Variants in HIGD2B observed in about 807,000 individuals in gnomAD.
The protein encoded by HIGD2B is HIG1 domain family member 2B.
For missense variants in HIGD2B, 106 were observed against 67.0 expected (o/e 1.58, Z -2.03); for synonymous variants, 45 against 28.1 (o/e 1.60, Z -1.90).
At chr15:72,677,422 C>T (rs990176967) in intron 2 of HIGD2B, among the ~76,000 whole-genome samples, 2 of 151,502 alleles carry the variant, frequency 1.3e-5, no homozygotes, top group African/African-American at 2.4e-5. Context: ...AACAGCAAGA[C>T]TGCAAGGGAA....
rs2064682017 is a variant in HIGD2B, at chr15:72,675,832, G to T, written c.*222C>A. Reference sequence around the variant, plus strand: ...TATTTTTAGAGTTTATTAAGCAGGGGAGTGGAGGGAAGATGTGGCACAAAT... The same window carrying T: ...TATTTTTAGAGTTTATTAAGCAGGGTAGTGGAGGGAAGATGTGGCACAAAT... On this transcript the variant is annotated 3_prime_UTR_variant, in exon 3 of 3. Coordinates refer to ENST00000311755, the MANE Select transcript of HIGD2B (RefSeq NM_001350932.3). The T allele has an allele frequency of 1.9e-6, 1 of 538,480 alleles. No individual in the cohort carries two copies. The highest frequency in any genetic ancestry group is 3.0e-5 in the East Asian group (1 of 33,458). The allele number at this position is 538,480 out of a possible 1,614,324, so 33.4% of individuals were successfully genotyped here.
intron 2 of HIGD2B, among the ~76,000 whole-genome samples, chr15:72,677,801 T>C (rs545121168): frequency 8.6e-5 from 13 of 151,820 alleles, no homozygotes; most frequent in African/African-American, 3.1e-4. Flanking sequence ...ATAGAACATA[T>C]AAAAGTAAAT....
Position 72,686,081 on chromosome 15 carries a change from TA to T in HIGD2B, c.-457del. 1 of 850,000 alleles carries T rather than the reference TA, an allele frequency of 1.2e-6. No homozygotes were observed. Among genetic ancestry groups the T allele is most frequent in the Non-Finnish European group, 1.9e-6 (1 of 525,160 alleles). The allele number at this position is 850,000 out of a possible 1,614,324, so 52.7% of individuals were successfully genotyped here. A position where few individuals can be genotyped will look rare whatever the true frequency, so the allele number is the denominator to read the frequency against. ...GGTAAGCCTTCTGTGGAGCAGACCC[TA>T]ATCCTCCCCCTGATTCCTTAGGTCA... On this transcript the variant is annotated 5_prime_UTR_variant, in exon 1 of 3. Coordinates refer to ENST00000311755, the MANE Select transcript of HIGD2B (RefSeq NM_001350932.3).
At chr15:72,683,963 G>A (rs952967366) in intron 1 of HIGD2B, among the ~76,000 whole-genome samples, 4 of 150,900 alleles carry the variant, frequency 2.7e-5, no homozygotes, top group African/African-American at 7.3e-5. Context: ...GCACGATCTC[G>A]GCTCACTTAG....
At chr15:72,680,843 C>T (rs1595892687) in intron 1 of HIGD2B, among the ~76,000 whole-genome samples, 1 of 151,954 alleles carries the variant, frequency 6.6e-6, no homozygotes, top group South Asian at 2.1e-4. Flanking sequence ...GCAGTGAGAT[C>T]GTGCACTCCA....
At chr15:72,684,318 C>G (rs2064781632) in intron 1 of HIGD2B, among the ~76,000 whole-genome samples, 1 of 152,104 alleles carries the variant, frequency 6.6e-6, no homozygotes, top group African/African-American at 2.4e-5. Context: ...AGTAAAGTTA[C>G]AAAGACATTT....
At chr15:72,683,734 A>G (rs60405894) in intron 1 of HIGD2B, among the ~76,000 whole-genome samples, 18,476 of 151,900 alleles carry the variant, frequency 0.12, 1,893 homozygotes, top group East Asian at 0.53. Flanking sequence ...CCAGCTACTC[A>G]GGAGGCTGAG....
intron 1 of HIGD2B, among the ~76,000 whole-genome samples, chr15:72,684,827 A>G (rs1328117156): frequency 6.6e-6 from 1 of 151,776 alleles, no homozygotes; most frequent in African/African-American, 2.4e-5. Context: ...TCTATCGCCC[A>G]GGCTGGAGCA....
intron 1 of HIGD2B, 23 bp downstream of exon 1, chr15:72,685,795 C>G (rs571444190): frequency 3.4e-6 from 1 of 296,746 alleles, no homozygotes; most frequent in Non-Finnish European, 6.6e-6. Context: ...ATAGTGACAG[C>G]CAAGAAACGG....
At chr15:72,681,061 AG>A (rs879431607) in intron 1 of HIGD2B, among the ~76,000 whole-genome samples, 9 of 152,090 alleles carry the variant, frequency 5.9e-5, no homozygotes, top group Admixed American at 5.9e-4. Context: ...GATAGTACTT[AG>A]CTTCCGCTGT....
Position 72,685,875 on chromosome 15 carries a change from G to T in HIGD2B, c.-250C>A. On this transcript the variant is annotated 5_prime_UTR_variant, in exon 1 of 3. Transcript: ENST00000311755. ...TCCCGGAAGAAGGACTGAATTAAAT[G>T]CAGATTAGAGTCAGGGCAGGGTAAG... 2.4e-6 allele frequency: 1 copy of T among 423,346 alleles called. No homozygotes were observed. Among genetic ancestry groups the T allele is most frequent in the Non-Finnish European group, 4.4e-6 (1 of 226,770 alleles). The allele number at this position is 423,346 out of a possible 1,614,324, so 26.2% of individuals were successfully genotyped here.
At position 72,676,191 on chromosome 15, in the gene HIGD2B, T is replaced by C. The variant is rs780399655; in HGVS notation, c.184A>G (p.Asn62Asp). ...CCCTGGTGGAAGCAGTAGAGGCCGTTGGTGAGGACGGCCGCCGTGCACAGG... is the reference window on the plus strand; with the variant it reads ...CCCTGGTGGAAGCAGTAGAGGCCGTCGGTGAGGACGGCCGCCGTGCACAGG... ...GFLCTAAVLT[N>D]GLYCFHQGNS... Residue 62 changes from asparagine (N) to aspartate (D), a missense_variant, in exon 3 of 3, where the codon AAC (asparagine) becomes GAC (aspartate). Transcript: ENST00000311755. 3 of 763,962 alleles carry C rather than the reference T, an allele frequency of 3.9e-6. No individual in the cohort carries two copies. The highest frequency in any genetic ancestry group is 1.4e-5 in the South Asian group (1 of 73,908). 47.3% of individuals were successfully genotyped at this position (763,962 alleles called of 1,614,324 possible).
At position 72,675,855 on chromosome 15, in the gene HIGD2B, A is replaced by T. The variant is rs1307289540; in HGVS notation, c.*199T>A. ...GGGAGTGGAGGGAAGATGTGGCACAAATAGAAATATGTAACATTCAAACAA... is the reference window on the plus strand; with the variant it reads ...GGGAGTGGAGGGAAGATGTGGCACATATAGAAATATGTAACATTCAAACAA... On this transcript the variant is annotated 3_prime_UTR_variant, in exon 3 of 3. Coordinates refer to ENST00000311755, the MANE Select transcript of HIGD2B (RefSeq NM_001350932.3). 1.8e-6 allele frequency: 1 copy of T among 561,564 alleles called. No homozygotes were observed. Among genetic ancestry groups the T allele is most frequent in the East Asian group, 2.9e-5 (1 of 34,890 alleles). The allele number at this position is 561,564 out of a possible 1,614,324, so 34.8% of individuals were successfully genotyped here. A position where few individuals can be genotyped will look rare whatever the true frequency, so the allele number is the denominator to read the frequency against.
chr15:72,675,806 T>C lies in HIGD2B; in HGVS notation c.*248A>G. On this transcript the variant is annotated 3_prime_UTR_variant, in exon 3 of 3. Coordinates refer to ENST00000311755, the MANE Select transcript of HIGD2B (RefSeq NM_001350932.3). ...ATGTGTGTAATTTTTTACTTTTTTC[T>C]TATTTTTAGAGTTTATTAAGCAGGG... 8.7e-6 allele frequency: 4 copies of C among 459,560 alleles called. No individual in the cohort carries two copies. The highest frequency in any genetic ancestry group is 1.5e-5 in the Non-Finnish European group (4 of 258,938). 28.5% of individuals were successfully genotyped at this position (459,560 alleles called of 1,614,324 possible). A position where few individuals can be genotyped will look rare whatever the true frequency, so the allele number is the denominator to read the frequency against.
chr15:72,675,839 G>C lies in HIGD2B; in HGVS notation c.*215C>G. ...AGAGTTTATTAAGCAGGGGAGTGGA[G>C]GGAAGATGTGGCACAAATAGAAATA... On this transcript the variant is annotated 3_prime_UTR_variant, in exon 3 of 3. Transcript: ENST00000311755. The C allele has an allele frequency of 3.7e-6, 2 of 545,440 alleles. No homozygotes were observed. 33.8% of individuals were successfully genotyped at this position (545,440 alleles called of 1,614,324 possible).
intron 1 of HIGD2B, among the ~76,000 whole-genome samples, chr15:72,685,394 A>C (rs2064807596): frequency 6.6e-6 from 1 of 152,182 alleles, no homozygotes; most frequent in Non-Finnish European, 1.5e-5. Flanking sequence ...CACTTTAATA[A>C]ATGAGGCTCA....
At chr15:72,677,537 G>A (rs1307670748) in intron 2 of HIGD2B, among the ~76,000 whole-genome samples, 2 of 151,124 alleles carry the variant, frequency 1.3e-5, no homozygotes, top group African/African-American at 4.9e-5. Context: ...TGAGGCAAGA[G>A]GATCACTTGA....
chr15:72,677,516 C>G (rs2064705087), intron 2 of HIGD2B, among the ~76,000 whole-genome samples: 1 of 151,988 alleles, frequency 6.6e-6, no homozygotes, highest in Non-Finnish European at 1.5e-5. Flanking sequence ...AATCCCAGCA[C>G]CTTGGAAAGC....
chr15:72,678,148 G>T (rs747537611), intron 2 of HIGD2B, among the ~76,000 whole-genome samples: 36 of 152,198 alleles, frequency 2.4e-4, no homozygotes, highest in Non-Finnish European at 3.4e-4. Context: ...AAGCTACAAA[G>T]GTTGGTGAAT....
Sources: allele counts gnomAD v4.1 joint callset (sites outside exome capture counted in the v4.1 genomes callset), GRCh38; gene constraint gnomAD v4.1.1; transcripts MANE v1.5; gene names NCBI Gene and HGNC (gene_info 2026-07-23, HGNC 2026-07-21).